Variants in NAV2 observed in about 807,000 individuals in gnomAD.
NAV2 encodes neuron navigator 2.
Under a neutral mutation model 223.2 loss-of-function variants are expected in NAV2, and 54 were observed. That is an observed-to-expected ratio of 0.24 (90% CI 0.19 to 0.30). The LOEUF is 0.30. Ranked by LOEUF, NAV2 falls within the 10% of genes least tolerant of loss-of-function variation. The pLI is 1.00. For missense variants in NAV2, 2,806 were observed against 3,147.5 expected (o/e 0.89, Z 2.60); for synonymous variants, 1,279 against 1,239.3 (o/e 1.03, Z -0.67).
chr11:19,479,934 CTG>C (rs1187908768), intron 1 of NAV2, among the ~76,000 whole-genome samples: 2 of 152,172 alleles, frequency 1.3e-5, no homozygotes, highest in African/African-American at 4.8e-5. Flanking sequence ...GATTGGCAAA[CTG>C]TGGTCCATCT....
At chr11:19,859,159 T>TTTTTTTTTTTTTTTTTA (rs2061546894) in intron 3 of NAV2, among the ~76,000 whole-genome samples, 2 of 121,882 alleles carry the variant, frequency 1.6e-5, no homozygotes, top group Non-Finnish European at 3.5e-5. Flanking sequence ...TTTTTTTTTT[T>TTTTTTTTTTTTTTTTTA]ATTGATCATT....
chr11:19,810,582 CTATAGTT>C (rs1286582557), intron 1 of NAV2, among the ~76,000 whole-genome samples: 1 of 152,206 alleles, frequency 6.6e-6, no homozygotes, highest in Non-Finnish European at 1.5e-5. Flanking sequence ...ATAAACTATA[CTATAGTT>C]TATAAACTGA....
chr11:19,436,042 T>G (rs1303477813), intron 1 of NAV2, among the ~76,000 whole-genome samples: 1 of 152,188 alleles, frequency 6.6e-6, no homozygotes, highest in Non-Finnish European at 1.5e-5. Flanking sequence ...TATTAATTGC[T>G]TCCTTTGTTG....
At chr11:19,535,330 G>A (rs1334954778) in intron 1 of NAV2, among the ~76,000 whole-genome samples, 2 of 152,136 alleles carry the variant, frequency 1.3e-5, no homozygotes, top group Non-Finnish European at 2.9e-5. Flanking sequence ...AGGCTGCAGG[G>A]GAGTAGAAGA....
At chr11:19,478,801 C>T (rs905468329) in intron 1 of NAV2, among the ~76,000 whole-genome samples, 1 of 152,234 alleles carries the variant, frequency 6.6e-6, no homozygotes, top group African/African-American at 2.4e-5. Context: ...TGTCCCAAGG[C>T]AAGTCCCCTT....
At chr11:20,028,767 G>T (rs80073688) in intron 11 of NAV2, among the ~76,000 whole-genome samples, 2 of 152,164 alleles carry the variant, frequency 1.3e-5, no homozygotes, top group South Asian at 2.1e-4. Flanking sequence ...GGCATATTTG[G>T]TAACGCTGTC....
chr11:19,959,528 G>C (rs1033285955), intron 10 of NAV2, among the ~76,000 whole-genome samples: 1 of 152,214 alleles, frequency 6.6e-6, no homozygotes, highest in African/African-American at 2.4e-5. Flanking sequence ...GGTGACAATT[G>C]AATGAGGTGA....
chr11:19,366,901 T>A (rs1054341487), intron 1 of NAV2, among the ~76,000 whole-genome samples: 6 of 152,172 alleles, frequency 3.9e-5, no homozygotes, highest in African/African-American at 1.4e-4. Flanking sequence ...TAGCTGCAGT[T>A]TAGGAGATGC....
rs1317123160 is a variant in NAV2, at chr11:20,092,261, G to A, written c.5708G>A (p.Gly1903Asp). 6.2e-7 allele frequency: 1 copy of A among 1,614,060 alleles called. No homozygotes were observed. The highest frequency in any genetic ancestry group is 1.7e-5 in the Admixed American group (1 of 60,004). ...ENDRLKSESQGSGCSRAPSQV... is the reference protein window; with the variant it reads ...ENDRLKSESQDSGCSRAPSQV... ...GATCGGCTGAAGTCAGAGTCTCAAGGCAGTGGCTGCAGCCGGGCTCCTTCC... is the reference window on the plus strand; with the variant it reads ...GATCGGCTGAAGTCAGAGTCTCAAGACAGTGGCTGCAGCCGGGCTCCTTCC... The change falls in exon 28 of 38, where the codon GGC becomes GAC. Residue 1903 changes from glycine to aspartate, a missense_variant. Physicochemically the swap from Gly to Asp is moderately conservative, Grantham distance 94. Around this residue, in one of 4 missense-constraint regions of NAV2, gnomAD observed 824 missense variants for 1,069.4 expected, o/e 0.77. Coordinates refer to ENST00000349880, the MANE Select transcript of NAV2 (RefSeq NM_145117.5).
At chr11:20,114,052 C>T (rs58007547) in intron 36 of NAV2, among the ~76,000 whole-genome samples, 2,731 of 152,210 alleles carry the variant, frequency 0.018, 88 homozygotes, top group African/African-American at 0.063. Context: ...GCCATTGTGA[C>T]CTCTGCCTGC....
At chr11:19,942,787 T>C (rs2046510550) in intron 8 of NAV2, among the ~76,000 whole-genome samples, 2 of 152,112 alleles carry the variant, frequency 1.3e-5, no homozygotes, top group Non-Finnish European at 1.5e-5. Context: ...AGTTTGAGAC[T>C]AGCCTGGGCA....
Position 20,114,715 on chromosome 11 carries a change from G to A in NAV2, c.7084G>A (p.Gly2362Ser), listed in dbSNP as rs566073194. The A allele has an allele frequency of 8.7e-5, 141 of 1,613,944 alleles. No individual in the cohort carries two copies. Among genetic ancestry groups the A allele is most frequent in the Non-Finnish European group, 1.2e-4 (136 of 1,180,020 alleles). The change falls in exon 37 of 38, where the codon GGC (glycine) becomes AGC (serine). Residue 2362 changes from glycine (G) to serine (S), a missense_variant. Transcript: ENST00000349880. ...PLLQLRPEDV[G>S]FDGYSMPREG... is the part of the protein sequence containing the mutation. ...GCTGCAGTTACGGCCTGAGGATGTCGGCTTCGACGGCTACTCCATGCCTCG... is the reference window on the plus strand; with the variant it reads ...GCTGCAGTTACGGCCTGAGGATGTCAGCTTCGACGGCTACTCCATGCCTCG...
At chr11:19,501,328 T>G (rs901868572) in intron 1 of NAV2, among the ~76,000 whole-genome samples, 2 of 152,184 alleles carry the variant, frequency 1.3e-5, no homozygotes, top group Non-Finnish European at 2.9e-5. Flanking sequence ...TGGTTATCTT[T>G]GCAGGACCAC....
chr11:19,487,987 T>C (rs368292269), intron 1 of NAV2, among the ~76,000 whole-genome samples: 30 of 152,202 alleles, frequency 2.0e-4, no homozygotes, highest in African/African-American at 7.2e-4. Context: ...TGCATGCTTC[T>C]AGAGTTTAGG....
intron 1 of NAV2, among the ~76,000 whole-genome samples, chr11:19,795,302 G>C (rs969727599): frequency 6.6e-6 from 1 of 152,168 alleles, no homozygotes; most frequent in Non-Finnish European, 1.5e-5. Context: ...TGTAAGATTT[G>C]ATTTAAGTCA....
chr11:20,105,079 C>G (rs2061926563), intron 34 of NAV2: 1 of 153,932 alleles, frequency 6.5e-6, no homozygotes, highest in African/African-American at 2.4e-5. Flanking sequence ...TGCCTGTCTG[C>G]CTCCTCCACC....
intron 1 of NAV2, among the ~76,000 whole-genome samples, chr11:19,473,990 G>A (rs991173859): frequency 2.3e-4 from 35 of 152,290 alleles, no homozygotes; most frequent in African/African-American, 8.4e-4. Context: ...GTCCGCTGGG[G>A]CCTGCAGGCC....
intron 1 of NAV2, among the ~76,000 whole-genome samples, chr11:19,639,898 C>T (rs919377854): frequency 6.6e-6 from 1 of 152,176 alleles, no homozygotes; most frequent in Non-Finnish European, 1.5e-5. Flanking sequence ...ACATTCAGTT[C>T]TATCTAAGGC....
In NAV2 at chr11:20,092,238, T is replaced by G; in HGVS notation, c.5685T>G (p.Asp1895Glu). ...TAGAGAAGCTGAAAGCTGAGAATGA[T>G]CGGCTGAAGTCAGAGTCTCAAGGCA... is the stretch of plus-strand genomic sequence containing the variant. ...SEIEKLKAEN[D>E]RLKSESQGSG... The change falls in exon 28 of 38, where the codon GAT becomes GAG. Residue 1895 changes from aspartate (D) to glutamate (E), a missense_variant. By Grantham distance (45) the Asp-to-Glu change is conservative. Around this residue, in one of 4 missense-constraint regions of NAV2, gnomAD observed 824 missense variants for 1,069.4 expected, o/e 0.77. Transcript: ENST00000349880. 6.2e-7 allele frequency: 1 copy of G among 1,614,218 alleles called. No individual in the cohort carries two copies. Among genetic ancestry groups the G allele is most frequent in the Non-Finnish European group, 8.5e-7 (1 of 1,180,028 alleles).
Sources: allele counts gnomAD v4.1 joint callset (sites outside exome capture counted in the v4.1 genomes callset), GRCh38; gene constraint gnomAD v4.1.1; regional missense constraint gnomAD v4.1.1; transcripts MANE v1.5; gene names NCBI Gene and HGNC (gene_info 2026-07-23, HGNC 2026-07-21).